Variants in PHLDB2 observed in about 807,000 individuals in gnomAD.
PHLDB2 encodes the protein pleckstrin homology like domain family B member 2.
Under a neutral mutation model 123.6 loss-of-function variants are expected in PHLDB2, and 71 were observed. The ratio of observed to expected loss-of-function variants is 0.57; its 90% confidence interval spans 0.47 to 0.70. PHLDB2 has a LOEUF of 0.70. Ranked by LOEUF, PHLDB2 falls within the 30% of genes least tolerant of loss-of-function variation. The pLI is 0.00. For synonymous variants in PHLDB2, 547 were observed against 541.6 expected, an observed-to-expected ratio of 1.01 and a Z score of -0.14; for missense variants, 1,446 against 1,519.5, an observed-to-expected ratio of 0.95 and a Z score of 0.80.
intron 10 of PHLDB2, among the ~76,000 whole-genome samples, chr3:111,949,337 T>C (rs1270828456): frequency 7.4e-6 from 1 of 134,670 alleles, no homozygotes; most frequent in Non-Finnish European, 1.6e-5. Flanking sequence ...TTCTATGTCT[T>C]AGCACTCTAA....
chr3:111,851,226 T>C (rs994135725), intron 2 of PHLDB2, among the ~76,000 whole-genome samples: 5 of 146,992 alleles, frequency 3.4e-5, no homozygotes, highest in Admixed American at 1.4e-4. Flanking sequence ...AGGTTTTTAC[T>C]AGTGTTCTTT....
chr3:111,795,097 G>A (rs746458106), intron 1 of PHLDB2, among the ~76,000 whole-genome samples: 2 of 152,172 alleles, frequency 1.3e-5, no homozygotes, highest in Non-Finnish European at 2.9e-5. Context: ...ATCATCATGA[G>A]TGGTAACAAC....
chr3:111,899,939 A>G (rs969337873), intron 2 of PHLDB2, among the ~76,000 whole-genome samples: 2 of 152,130 alleles, frequency 1.3e-5, no homozygotes, highest in African/African-American at 4.8e-5. Context: ...ACCTTCATCA[A>G]TTATCTTAGA....
chr3:111,826,038 A>G (rs2108438309), intron 1 of PHLDB2, among the ~76,000 whole-genome samples: 1 of 152,148 alleles, frequency 6.6e-6, no homozygotes, highest in Middle Eastern at 3.4e-3. Context: ...ATGGTGGCTC[A>G]TGCTTGTAAT....
intron 1 of PHLDB2, among the ~76,000 whole-genome samples, chr3:111,809,892 AGAC>A: frequency 6.6e-6 from 1 of 152,320 alleles, no homozygotes; most frequent in East Asian, 1.9e-4. Flanking sequence ...TGCAAGATGA[AGAC>A]GTTCTAGAGT....
At chr3:111,774,949 A>T (rs2060241854) in intron 1 of PHLDB2, among the ~76,000 whole-genome samples, 1 of 152,190 alleles carries the variant, frequency 6.6e-6, no homozygotes, top group African/African-American at 2.4e-5. Context: ...CATCAGAAGG[A>T]TGTGCCATAA....
At chr3:111,967,999 A>AAAAAAAAAAAG (rs61395045) in intron 15 of PHLDB2, among the ~76,000 whole-genome samples, 175 bp downstream of exon 15, 1 of 145,928 alleles carries the variant, frequency 6.9e-6, no homozygotes, top group East Asian at 2.0e-4. Context: ...AAAAAAAAAA[A>AAAAAAAAAAAG]TGTGAGTTCA....
chr3:111,957,398 A>C (rs1342155639), intron 12 of PHLDB2: 1 of 152,632 alleles, frequency 6.6e-6, no homozygotes, highest in Non-Finnish European at 1.5e-5. Context: ...ATAGAGAAAA[A>C]TTGTTGCACA....
intron 2 of PHLDB2, among the ~76,000 whole-genome samples, chr3:111,889,252 A>G (rs1474303434): frequency 6.6e-6 from 1 of 152,222 alleles, no homozygotes; most frequent in East Asian, 1.9e-4. Flanking sequence ...TGAAACAAGG[A>G]AAAGATGTGT....
chr3:111,741,770 C>T (rs1013274780), intron 1 of PHLDB2, among the ~76,000 whole-genome samples: 3 of 152,072 alleles, frequency 2.0e-5, no homozygotes, highest in African/African-American at 7.2e-5. Flanking sequence ...TCTAAAATTG[C>T]CACAACACAT....
intron 1 of PHLDB2, among the ~76,000 whole-genome samples, chr3:111,843,743 A>G (rs2063802284): frequency 6.6e-6 from 1 of 152,200 alleles, no homozygotes; most frequent in South Asian, 2.1e-4. Context: ...CAAATCCCTT[A>G]TCAGATATAT....
intron 1 of PHLDB2, among the ~76,000 whole-genome samples, chr3:111,881,564 C>T (rs1483578192): frequency 6.6e-6 from 1 of 152,134 alleles, no homozygotes; most frequent in Non-Finnish European, 1.5e-5. Flanking sequence ...AAAATTATTA[C>T]AGTAGTATAG....
At chr3:111,889,954 C>A (rs1435316088) in intron 2 of PHLDB2, among the ~76,000 whole-genome samples, 1 of 152,168 alleles carries the variant, frequency 6.6e-6, no homozygotes, top group Non-Finnish European at 1.5e-5. Context: ...AGTCCTACAG[C>A]TCCAATTACA....
At chr3:111,930,649 C>T (rs2069088886) in intron 5 of PHLDB2, among the ~76,000 whole-genome samples, 1 of 152,126 alleles carries the variant, frequency 6.6e-6, no homozygotes, top group South Asian at 2.1e-4. Flanking sequence ...CTAAATCTAA[C>T]GGTGCTAGTA....
chr3:111,796,424 T>C (rs2108234825), intron 1 of PHLDB2, among the ~76,000 whole-genome samples: 1 of 152,374 alleles, frequency 6.6e-6, no homozygotes, highest in East Asian at 1.9e-4. Flanking sequence ...CCTGATGTTA[T>C]CCCTTTCCTA....
rs2061421246 is a variant in PHLDB2, at chr3:111,802,691, G to A, written c.-48-43130G>A. Among the ~76,000 whole-genome samples, 4 of 152,142 alleles carry A rather than the reference G, an allele frequency of 2.6e-5. No individual in the cohort carries two copies. The South Asian group carries it at 8.3e-4, about 32-fold the overall frequency. On this transcript the variant is annotated intron_variant, in intron 1 of 17. Transcript: ENST00000393923. ...TGAAAGTTTTCTAAACTGTATTTTA[G>A]TTTTAACTTACATTCGTTACAGCAG...
At chr3:111,764,195 T>C (rs77268103) in intron 1 of PHLDB2, among the ~76,000 whole-genome samples, 3,519 of 152,254 alleles carry the variant, frequency 0.023, 57 homozygotes, top group Non-Finnish European at 0.037. Context: ...GAAGATCTGA[T>C]GAAGTAATGT....
At chr3:111,895,572 G>T (rs1252475479) in intron 2 of PHLDB2, among the ~76,000 whole-genome samples, 1 of 152,144 alleles carries the variant, frequency 6.6e-6, no homozygotes, top group African/African-American at 2.4e-5. Flanking sequence ...TGGAGGCCAG[G>T]CGTGTTGGCT....
At chr3:111,951,758 T>G (rs1034232401) in intron 10 of PHLDB2, among the ~76,000 whole-genome samples, 2 of 152,176 alleles carry the variant, frequency 1.3e-5, no homozygotes, top group Non-Finnish European at 2.9e-5. Flanking sequence ...GTGTTTTTTC[T>G]TTCTTTTTTT....
Sources: allele counts gnomAD v4.1 joint callset (sites outside exome capture counted in the v4.1 genomes callset), GRCh38; gene constraint gnomAD v4.1.1; transcripts MANE v1.5; gene names NCBI Gene and HGNC (gene_info 2026-07-23, HGNC 2026-07-21).